Variants in PIP5K1B observed in about 807,000 individuals in gnomAD.
The protein encoded by PIP5K1B is phosphatidylinositol-4-phosphate 5-kinase type 1 beta.
In PIP5K1B, 42 loss-of-function variants were observed where a neutral mutation model predicts 67.0. The ratio of observed to expected loss-of-function variants is 0.63; its 90% CI spans 0.49 to 0.81. PIP5K1B has a LOEUF of 0.81. Among genes scored for constraint, PIP5K1B ranks in the 30% least tolerant of loss-of-function variants. The pLI is 0.00. For missense variants in PIP5K1B, 459 were observed against 646.3 expected (o/e 0.71, Z 3.14); for synonymous variants, 214 against 231.4 (o/e 0.92, Z 0.68).
At chr9:68,853,143 A>G (rs890947750) in intron 4 of PIP5K1B, among the ~76,000 whole-genome samples, 1 of 152,174 alleles carries the variant, frequency 6.6e-6, no homozygotes, top group South Asian at 2.1e-4. Context: ...GTGGAATGGA[A>G]CACAGTGAGC....
intron 2 of PIP5K1B, chr9:68,782,627 T>TA (rs1831359757): frequency 6.0e-6 from 1 of 167,088 alleles, no homozygotes; most frequent in African/African-American, 2.4e-5. Flanking sequence ...CTCTTGACAG[T>TA]TGCCTCAAGA....
chr9:69,004,459 G>A (rs1408963423), intron 15 of PIP5K1B, among the ~76,000 whole-genome samples: 2 of 152,130 alleles, frequency 1.3e-5, no homozygotes, highest in Non-Finnish European at 2.9e-5. Flanking sequence ...CACTGAGAGG[G>A]AGGAACTTCA....
intron 15 of PIP5K1B, among the ~76,000 whole-genome samples, chr9:69,001,844 A>G (rs1830836388): frequency 6.6e-6 from 1 of 152,212 alleles, no homozygotes; most frequent in African/African-American, 2.4e-5. Flanking sequence ...CAAGTGCTGA[A>G]AAGTCCACTG....
intron 13 of PIP5K1B, among the ~76,000 whole-genome samples, chr9:68,937,264 A>G (rs1382895133): frequency 6.6e-6 from 1 of 152,168 alleles, no homozygotes; most frequent in East Asian, 1.9e-4. Flanking sequence ...TTGGTAGCCT[A>G]TTAATTACTG....
At chr9:68,970,454 A>G (rs1328068818) in intron 14 of PIP5K1B, among the ~76,000 whole-genome samples, 2 of 152,180 alleles carry the variant, frequency 1.3e-5, no homozygotes, top group East Asian at 3.9e-4. Flanking sequence ...TACCCAAGCA[A>G]TATGCATGCA....
chr9:68,825,620 A>G (rs750966123), intron 4 of PIP5K1B, among the ~76,000 whole-genome samples: 20 of 152,160 alleles, frequency 1.3e-4, no homozygotes, highest in Non-Finnish European at 8.8e-5. Flanking sequence ...TTGATGACCC[A>G]TTGTGTTTTT....
chr9:68,982,024 T>C (rs1829903068), intron 14 of PIP5K1B, among the ~76,000 whole-genome samples: 1 of 152,220 alleles, frequency 6.6e-6, no homozygotes. Flanking sequence ...AACAGTTTCC[T>C]GTGTGGCTTG....
At position 68,880,428 on chromosome 9, in the gene PIP5K1B, G is replaced by T. The variant is rs144284622; in HGVS notation, c.318+3634G>T. ...ACGTTAGCTGGGCACGGTGGCATGA[G>T]CCTGTAGTCCCAGCTACTTGGTAGG... On this transcript the variant is annotated intron_variant, in intron 6 of 15. Coordinates refer to ENST00000265382, the MANE Select transcript of PIP5K1B (RefSeq NM_003558.4). Among the ~76,000 whole-genome samples, 616 of 152,180 alleles carry T rather than the reference G, an allele frequency of 4.0e-3. 1 individual carries two copies. The highest frequency in any genetic ancestry group is 6.6e-3 in the Non-Finnish European group (448 of 67,994).
At chr9:68,994,251 A>G (rs1830514375) in intron 15 of PIP5K1B, among the ~76,000 whole-genome samples, 1 of 151,952 alleles carries the variant, frequency 6.6e-6, no homozygotes, top group Non-Finnish European at 1.5e-5. Flanking sequence ...CATGTTGGTC[A>G]GGCTGATTTT....
intron 4 of PIP5K1B, among the ~76,000 whole-genome samples, chr9:68,853,700 C>T (rs1009736879): frequency 6.6e-6 from 1 of 152,016 alleles, no homozygotes; most frequent in African/African-American, 2.4e-5. Context: ...GTGGGGTCAC[C>T]CCAGTCCTGT....
intron 5 of PIP5K1B, 84 bp downstream of exon 5, chr9:68,864,051 G>A (rs1823242323): frequency 3.8e-6 from 5 of 1,316,330 alleles, no homozygotes; most frequent in Non-Finnish European, 5.4e-6. Context: ...TTTCTACTAT[G>A]TACATGTTTA....
chr9:68,934,955 G>A lies in PIP5K1B; in HGVS notation c.1267G>A (p.Glu423Lys), dbSNP rs1302896895. Residue 423 changes from glutamate to lysine, a missense_variant, in exon 13 of 16, where the codon GAG (glutamate) becomes AAG (lysine). Around this residue, in one of 2 missense-constraint regions of PIP5K1B, gnomAD observed 169 missense variants for 171.9 expected, o/e 0.98. Coordinates refer to ENST00000265382, the MANE Select transcript of PIP5K1B (RefSeq NM_003558.4). The part of the protein sequence containing the change: ...SIAALKATSQ[E>K]IVSSISQEWK... The stretch of plus-strand genomic sequence containing the variant: ...CGCCGCCCTAAAGGCCACTTCACAG[G>A]AGATTGTGTCCTCAATTAGCCAGGA... 6.2e-7 allele frequency: 1 copy of A among 1,613,594 alleles called. No individual in the cohort carries two copies. The highest frequency in any genetic ancestry group is 8.5e-7 in the Non-Finnish European group (1 of 1,179,726).
intron 15 of PIP5K1B, among the ~76,000 whole-genome samples, chr9:68,992,713 G>C (rs1476609896): frequency 1.3e-5 from 2 of 151,624 alleles, no homozygotes; most frequent in African/African-American, 4.9e-5. Context: ...GGTGGTGCAT[G>C]TCTGTAGTCC....
chr9:68,834,069 T>C (rs1017893611), intron 4 of PIP5K1B, among the ~76,000 whole-genome samples: 5 of 152,240 alleles, frequency 3.3e-5, no homozygotes, highest in African/African-American at 9.6e-5. Context: ...TTTTCCACAG[T>C]TATATTCCTA....
rs149585106 is a variant in PIP5K1B at position 68,952,155 on chromosome 9, A to G, written c.1502+11365A>G. On this transcript the variant is annotated intron_variant, in intron 14 of 15. Transcript: ENST00000265382. ...ATGTTTCAGTTTCCTTTCCTGTGTGACTTTTTGTTTTTATTGTAATAAATG... is the reference window on the plus strand; with the variant it reads ...ATGTTTCAGTTTCCTTTCCTGTGTGGCTTTTTGTTTTTATTGTAATAAATG... 6.8e-4 allele frequency among the ~76,000 whole-genome samples: 103 copies of G among 151,992 alleles called. 2 individuals are homozygous for G. The highest frequency in any genetic ancestry group is 2.4e-3 in the African/African-American group (98 of 41,432).
At chr9:68,718,236 A>G (rs557444275) in intron 1 of PIP5K1B, among the ~76,000 whole-genome samples, 7 of 151,708 alleles carry the variant, frequency 4.6e-5, no homozygotes, top group South Asian at 4.1e-4. Context: ...GAGTTGGACA[A>G]AAGTGACTCA....
chr9:68,995,175 G>A (rs1587778917), intron 15 of PIP5K1B, among the ~76,000 whole-genome samples: 1 of 147,482 alleles, frequency 6.8e-6, no homozygotes. Flanking sequence ...AAGAAAAGAA[G>A]GAAAGGAAGG....
chr9:68,909,406 TA>T (rs552812093), intron 8 of PIP5K1B, among the ~76,000 whole-genome samples: 4,955 of 140,214 alleles, frequency 0.035, 220 homozygotes, highest in African/African-American at 0.11. Flanking sequence ...AAGGACTCTT[TA>T]AAAAAAAAAA....
intron 4 of PIP5K1B, among the ~76,000 whole-genome samples, chr9:68,842,073 C>T (rs1237387999): frequency 6.6e-6 from 1 of 152,220 alleles, no homozygotes; most frequent in Non-Finnish European, 1.5e-5. Flanking sequence ...TGGGGTGACA[C>T]CATCAAACCA....
Sources: allele counts gnomAD v4.1 joint callset (sites outside exome capture counted in the v4.1 genomes callset), GRCh38; gene constraint gnomAD v4.1.1; regional missense constraint gnomAD v4.1.1; transcripts MANE v1.5; gene names NCBI Gene and HGNC (gene_info 2026-07-23, HGNC 2026-07-21).